Variants in ADAMTS8 observed in about 807,000 individuals in gnomAD.
ADAMTS8 encodes the protein A disintegrin and metalloproteinase with thrombospondin motifs 8.
ADAMTS8 carries 50 observed loss-of-function variants against 64.4 expected under a neutral mutation model. The observed-to-expected ratio is 0.78, with a 90% confidence interval of 0.62 to 0.98. The LOEUF is 0.98. ADAMTS8 is among the 50% of genes least tolerant of loss of function. The pLI, the probability that ADAMTS8 is intolerant of heterozygous loss-of-function variation, is 0.00. For missense variants in ADAMTS8, 1,192 were observed against 1,208.2 expected (o/e 0.99, Z 0.20); for synonymous variants, 556 against 533.6 (o/e 1.04, Z -0.58).
At chr11:130,420,092 G>A (rs1015372867) in intron 1 of ADAMTS8, among the ~76,000 whole-genome samples, 5 of 152,216 alleles carry the variant, frequency 3.3e-5, no homozygotes, top group African/African-American at 1.2e-4. Flanking sequence ...AGGTGTGCCT[G>A]TCTCTGAGGT....
intron 8 of ADAMTS8, among the ~76,000 whole-genome samples, chr11:130,406,507 A>G (rs1861887109): frequency 6.6e-6 from 1 of 152,188 alleles, no homozygotes. Context: ...TTGCACTGGT[A>G]TACAACTTTG....
intron 1 of ADAMTS8, among the ~76,000 whole-genome samples, chr11:130,420,594 A>C (rs974776999): frequency 2.6e-5 from 4 of 152,096 alleles, no homozygotes; most frequent in Non-Finnish European, 5.9e-5. Context: ...AGGAAAGGGT[A>C]GAGAGGGACA....
At chr11:130,426,010 T>C (rs756438311) in intron 1 of ADAMTS8, among the ~76,000 whole-genome samples, 46 of 152,188 alleles carry the variant, frequency 3.0e-4, no homozygotes, top group Non-Finnish European at 5.3e-4. Flanking sequence ...TAGTACTTGC[T>C]TAAAGAAAGG....
chr11:130,408,373 TAGC>T, intron 8 of ADAMTS8, 88 bp downstream of exon 8: 1 of 1,470,140 alleles, frequency 6.8e-7, no homozygotes, highest in Non-Finnish European at 9.3e-7. Context: ...AGCTATTAAG[TAGC>T]AGCCACAGTT....
Position 130,428,262 on chromosome 11 carries a change from G to C in ADAMTS8, c.25C>G (p.Arg9Gly). 8.3e-7 allele frequency: 1 copy of C among 1,209,780 alleles called. No homozygotes were observed. The highest frequency in any genetic ancestry group is 1.0e-6 in the Non-Finnish European group (1 of 977,228). 74.9% of individuals were successfully genotyped at this position (1,209,780 alleles called of 1,614,324 possible). Residue 9 changes from arginine (R) to glycine (G), a missense_variant, in exon 1 of 9, where the codon CGG becomes GGG. Physicochemically the swap from Arg to Gly is moderately radical, Grantham distance 125. Around this residue, in one of 5 missense-constraint regions of ADAMTS8, gnomAD observed 741 missense variants for 710.6 expected, o/e 1.04. Transcript: ENST00000257359. MLPAPAAP[R>G]WPPLLLLLLL... ...AGCAGCAGCAGGAGCGGAGGCCACCGGGGGGCGGCGGGGGCGGGGAGCATG... is the reference window on the plus strand; with the variant it reads ...AGCAGCAGCAGGAGCGGAGGCCACCCGGGGGCGGCGGGGGCGGGGAGCATG...
At chr11:130,424,073 T>C (rs1486317118) in intron 1 of ADAMTS8, among the ~76,000 whole-genome samples, 1 of 152,202 alleles carries the variant, frequency 6.6e-6, no homozygotes, top group Non-Finnish European at 1.5e-5. Flanking sequence ...CTTTGCAGGA[T>C]AGGGCCTCAC....
Position 130,406,062 on chromosome 11 carries a change from G to C in ADAMTS8, c.2166C>G (p.Ser722Arg), listed in dbSNP as rs1347487880. Residue 722 changes from serine (S) to arginine (R), a missense_variant, in exon 9 of 9, where the codon AGC becomes AGG. Transcript: ENST00000257359. ...TCCCATCGTTCTGCACACCCGGGTGGCTCCGCTGCTTCACGTCAATATTAG... is the reference window on the plus strand; with the variant it reads ...TCCCATCGTTCTGCACACCCGGGTGCCTCCGCTGCTTCACGTCAATATTAG... The part of the protein sequence containing the change: ...GATNIDVKQR[S>R]HPGVQNDGNY... The C allele has an allele frequency of 4.3e-5, 70 of 1,613,698 alleles. No individual in the cohort carries two copies. Among genetic ancestry groups the C allele is most frequent in the Non-Finnish European group, 5.8e-5 (69 of 1,180,032 alleles).
Position 130,415,551 on chromosome 11 carries a change from C to T in ADAMTS8, c.1264+612G>A, listed in dbSNP as rs186309745. 3.8e-3 allele frequency among the ~76,000 whole-genome samples: 573 copies of T among 151,188 alleles called. 4 individuals carry two copies. Among genetic ancestry groups the T allele is most frequent in the African/African-American group, 0.012 (476 of 41,140 alleles). On this transcript the variant is annotated intron_variant, in intron 4 of 8. Transcript: ENST00000257359. ...AACTCCTGACCTTGTGATCCACCTG[C>T]CTCAGCCTCCCAAAGTGCTGGGATT...
Position 130,409,274 on chromosome 11 carries a change from G to A in ADAMTS8, c.1751-334C>T, listed in dbSNP as rs539004981. ...AAGCTTGGAAGGCACAGAATGGCATGTGGAGCTATATTCTCAGGACACTAC... is the reference window on the plus strand; with the variant it reads ...AAGCTTGGAAGGCACAGAATGGCATATGGAGCTATATTCTCAGGACACTAC... On this transcript the variant is annotated intron_variant, in intron 6 of 8. Coordinates refer to ENST00000257359, the MANE Select transcript of ADAMTS8 (RefSeq NM_007037.6). 3.3e-5 allele frequency among the ~76,000 whole-genome samples: 5 copies of A among 152,294 alleles called. No individual in the cohort carries two copies. The East Asian group carries it at 7.7e-4, about 24-fold the overall frequency.
rs143516770 is a variant in ADAMTS8, at chr11:130,423,666, G to T, written c.720+3901C>A. On this transcript the variant is annotated intron_variant, in intron 1 of 8. Coordinates refer to ENST00000257359, the MANE Select transcript of ADAMTS8 (RefSeq NM_007037.6). ...TCTGCTGGACTTTGGGAAGATGAGC[G>T]CCACTTTTCGGACCCTCTCTGCTAA... Among the ~76,000 whole-genome samples, 5 of 152,262 alleles carry T rather than the reference G, an allele frequency of 3.3e-5. No individual in the cohort carries two copies. The East Asian group carries it at 9.7e-4, about 29-fold the overall frequency.
At chr11:130,417,648 A>G (rs1355567846) in intron 2 of ADAMTS8, among the ~76,000 whole-genome samples, 1 of 142,390 alleles carries the variant, frequency 7.0e-6, no homozygotes, top group African/African-American at 3.1e-5. Flanking sequence ...ACTTAGCCTC[A>G]AACTCCTGGG....
At chr11:130,409,919 T>C (rs1048883659) in intron 6 of ADAMTS8, among the ~76,000 whole-genome samples, 11 of 152,234 alleles carry the variant, frequency 7.2e-5, no homozygotes, top group Admixed American at 1.3e-4. Context: ...GGGTCTGGGC[T>C]GTGTCTGCAG....
chr11:130,411,691 A>C lies in ADAMTS8; in HGVS notation c.1567-91T>G. On this transcript the variant is annotated intron_variant, in intron 5 of 8. Transcript: ENST00000257359. The surrounding 1 kb of genome is among the most constrained non-coding windows in gnomAD (Gnocchi z 4.2). ...GGGTGGCCAATGCCCTGGCTTCCTC[A>C]TCTAGTCATTATCATCTTGGTGCAT... 2 of 1,317,648 alleles carry C rather than the reference A, an allele frequency of 1.5e-6. No homozygotes were observed. The highest frequency in any genetic ancestry group is 1.1e-6 in the Non-Finnish European group (1 of 941,218). The allele number at this position is 1,317,648 out of a possible 1,614,324, so 81.6% of individuals were successfully genotyped here.
At position 130,411,341 on chromosome 11, in the gene ADAMTS8, T is replaced by C; in HGVS notation, c.1750+76A>G. On this transcript the variant is annotated intron_variant, in intron 6 of 8. Transcript: ENST00000257359. The surrounding 1 kb of genome is among the most constrained non-coding windows in gnomAD (Gnocchi z 4.2). Reference sequence around the variant, plus strand: ...CCCGGGACACCCACTTCACTCCCACTTTACACATCCTCTGGGGATGCGTCA... The same window carrying C: ...CCCGGGACACCCACTTCACTCCCACCTTACACATCCTCTGGGGATGCGTCA... 6.5e-7 allele frequency: 1 copy of C among 1,543,018 alleles called. No homozygotes were observed. Among genetic ancestry groups the C allele is most frequent in the Non-Finnish European group, 8.8e-7 (1 of 1,135,996 alleles).
chr11:130,407,385 A>T lies in ADAMTS8; in HGVS notation c.2099+1079T>A, dbSNP rs143752541. Among the ~76,000 whole-genome samples the T allele has an allele frequency of 5.4e-3, 822 of 152,094 alleles. 3 individuals are homozygous for T. The highest frequency in any genetic ancestry group is 0.018 in the African/African-American group (751 of 41,476). ...TGTCTCAAAATAATAAAAATAAATT[A>T]AAAAAAATGAAAACAGTCCCAAGTT... On this transcript the variant is annotated intron_variant, in intron 8 of 8. Coordinates refer to ENST00000257359, the MANE Select transcript of ADAMTS8 (RefSeq NM_007037.6).
intron 6 of ADAMTS8, among the ~76,000 whole-genome samples, chr11:130,409,740 A>C (rs968271718): frequency 6.6e-6 from 1 of 152,060 alleles, no homozygotes; most frequent in Non-Finnish European, 1.5e-5. Flanking sequence ...TGCCAGACCA[A>C]CCCATCTGAA....
chr11:130,420,499 C>G (rs1480032403), intron 1 of ADAMTS8, among the ~76,000 whole-genome samples: 1 of 152,128 alleles, frequency 6.6e-6, no homozygotes, highest in Non-Finnish European at 1.5e-5. Context: ...CTTGCCCTGC[C>G]TCTCCGATCC....
chr11:130,406,410 G>A (rs557107819), intron 8 of ADAMTS8, among the ~76,000 whole-genome samples: 80 of 152,304 alleles, frequency 5.3e-4, no homozygotes, highest in African/African-American at 1.6e-3. Flanking sequence ...GCATAGAGAC[G>A]AGGAGAACCC....
rs573898874 is a variant in ADAMTS8, at chr11:130,418,266, A to C, written c.960+787T>G. On this transcript the variant is annotated intron_variant, in intron 2 of 8. Transcript: ENST00000257359. ...GGATTTCTGAGTGATAAGATCGGGA[A>C]ATCTCTGTCTGTCTTCACATCAGCC... 1.2e-4 allele frequency among the ~76,000 whole-genome samples: 17 copies of C among 143,556 alleles called. No homozygotes were observed. The East Asian group carries it at 3.3e-3, about 28-fold the overall frequency. 94.2% of individuals were successfully genotyped at this position (143,556 alleles called of 152,430 possible).
Sources: allele counts gnomAD v4.1 joint callset (sites outside exome capture counted in the v4.1 genomes callset), GRCh38; gene constraint gnomAD v4.1.1; regional missense constraint gnomAD v4.1.1; non-coding constraint Gnocchi (gnomAD v3.1); transcripts MANE v1.5; gene names NCBI Gene and HGNC (gene_info 2026-07-23, HGNC 2026-07-21).